Variants in ADAR observed in about 807,000 individuals in gnomAD.
The protein encoded by ADAR is adenosine deaminase RNA specific, also known as double-stranded RNA-specific adenosine deaminase.
ADAR carries 41 observed loss-of-function variants against 113.2 expected under a neutral mutation model. That is an observed-to-expected ratio of 0.36 (90% CI 0.28 to 0.47). ADAR has a LOEUF of 0.47. Ranked by LOEUF, ADAR falls within the 20% of genes least tolerant of loss-of-function variation. The pLI is 1.00. For synonymous variants in ADAR, 605 were observed against 572.6 expected (o/e 1.06, Z -0.81); for missense variants, 1,242 against 1,540.9 (o/e 0.81, Z 3.25).
At chr1:154,604,205 A>G (rs1449091310) in intron 1 of ADAR, among the ~76,000 whole-genome samples, 1 of 152,248 alleles carries the variant, frequency 6.6e-6, no homozygotes, top group East Asian at 1.9e-4. Flanking sequence ...TTATTTATAA[A>G]AACAGGTAGT....
intron 1 of ADAR, among the ~76,000 whole-genome samples, chr1:154,616,167 C>T (rs980433157): frequency 3.3e-5 from 5 of 152,190 alleles, no homozygotes; most frequent in East Asian, 1.9e-4. Flanking sequence ...GTTAGGTTCA[C>T]GTGCATTCGT....
chr1:154,627,913 G>GCCCCCCCCCCCCCCCCCCCCCCCC, exon 1 of ADAR: 2 of 517,176 alleles, frequency 3.9e-6, no homozygotes, highest in South Asian at 1.4e-5. Flanking sequence ...GTGCGGCCGC[G>GCCCCCCCCCCCCCCCCCCCCCCCC]ACCCTCCCCC....
At position 154,602,415 on chromosome 1, in the gene ADAR, G is replaced by A. The variant is rs1181329844; in HGVS notation, c.227C>T (p.Pro76Leu). 2 of 1,607,814 alleles carry A rather than the reference G, an allele frequency of 1.2e-6. No individual in the cohort carries two copies. Among genetic ancestry groups the A allele is most frequent in the Admixed American group, 1.7e-5 (1 of 59,764 alleles). The stretch of plus-strand genomic sequence containing the variant: ...TCTGGTACTGGAGGCAAGTAGTACT[G>A]GAAACCTTGGCCGGAGTCCTGGGAG... Reference protein sequence around the residue: ...PSLPGLRPRFPVLLASSTRGR... With the variant: ...PSLPGLRPRFLVLLASSTRGR... Residue 76 changes from proline to leucine, a missense_variant, in exon 2 of 15, where the codon CCA (proline) becomes CTA (leucine). Pro to Leu is a moderately conservative substitution (Grantham distance 98). Around this residue, in one of 2 missense-constraint regions of ADAR, gnomAD observed 462 missense variants for 483.1 expected, o/e 0.96. Transcript: ENST00000368474.
chr1:154,602,114 T>A lies in ADAR; in HGVS notation c.528A>T (p.Leu176Phe), dbSNP rs756801515. 6.2e-7 allele frequency: 1 copy of A among 1,614,202 alleles called. No individual in the cohort carries two copies. The highest frequency in any genetic ancestry group is 2.2e-5 in the East Asian group (1 of 44,888). Residue 176 changes from leucine (L) to phenylalanine (F), a missense_variant, in exon 2 of 15, where the codon TTA (leucine) becomes TTT (phenylalanine). Leu to Phe is a conservative substitution (Grantham distance 22). Around this residue, in one of 2 missense-constraint regions of ADAR, gnomAD observed 462 missense variants for 483.1 expected, o/e 0.96. Transcript: ENST00000368474. Reference sequence around the variant, plus strand: ...GCTTGCCCTTCTTTGCCAGGGAGTATAAAACTCGATTGATTTCTTTCTTCG... The same window carrying A: ...GCTTGCCCTTCTTTGCCAGGGAGTAAAAAACTCGATTGATTTCTTTCTTCG... ...GTPKKEINRV[L>F]YSLAKKGKLQ...
chr1:154,604,393 C>T (rs192004046), intron 1 of ADAR, among the ~76,000 whole-genome samples: 1 of 152,324 alleles, frequency 6.6e-6, no homozygotes, highest in East Asian at 1.9e-4. Flanking sequence ...CCTCACCCCA[C>T]CTGGATCTCA....
chr1:154,589,234 AAG>A, intron 9 of ADAR, 133 bp downstream of exon 9: 1 of 748,304 alleles, frequency 1.3e-6, no homozygotes, highest in Non-Finnish European at 2.4e-6. Context: ...GACGGGTGAA[AAG>A]CAAAGGCTGC....
chr1:154,597,197 T>C lies in ADAR; in HGVS notation c.2005A>G (p.Lys669Glu). ...ATGGCTTCCTCTGCGGCCATCTGCT[T>C]TGCCACTTTCTTGCTGGGAGCACTC... ...SVSAPSKKVA[K>E]QMAAEEAMKA... is the part of the protein sequence containing the mutation. Residue 669 changes from lysine (K) to glutamate (E), a missense_variant, in exon 5 of 15, where the codon AAG becomes GAG. By Grantham distance (56) the Lys-to-Glu change is moderately conservative. This residue lies in a region of ADAR where 780 missense variants were observed against 1,057.9 expected (regional missense o/e 0.74). Transcript: ENST00000368474. 1 of 1,614,184 alleles carries C rather than the reference T, an allele frequency of 6.2e-7. No individual in the cohort carries two copies. Among genetic ancestry groups the C allele is most frequent in the Non-Finnish European group, 8.5e-7 (1 of 1,180,030 alleles).
At chr1:154,606,446 A>G (rs1247665408) in intron 1 of ADAR, among the ~76,000 whole-genome samples, 1 of 152,244 alleles carries the variant, frequency 6.6e-6, no homozygotes, top group East Asian at 1.9e-4. Flanking sequence ...TATGTACATT[A>G]TAATTTTTTT....
chr1:154,585,950 A>T, intron 12 of ADAR, 85 bp from the exon 13 acceptor site: 1 of 1,326,840 alleles, frequency 7.5e-7, no homozygotes, highest in South Asian at 1.2e-5. Context: ...TTTTGGAGGT[A>T]CAAGATATAG....
intron 1 of ADAR, among the ~76,000 whole-genome samples, chr1:154,613,486 T>C (rs1039237433): frequency 1.3e-5 from 2 of 151,708 alleles, no homozygotes; most frequent in Non-Finnish European, 2.9e-5. Flanking sequence ...GGTCTCACCA[T>C]GTTGGCCAGG....
rs1371830845 is a variant in ADAR at position 154,598,385 on chromosome 1, G to T, written c.1785+17C>A. On this transcript the variant is annotated intron_variant, in intron 3 of 14. Transcript: ENST00000368474. ...TGACAGGGAACTGATCCTCCCAGAT[G>T]GCAGGAGGACACCTACCTTCTCTGA... 6.2e-7 allele frequency: 1 copy of T among 1,612,552 alleles called. No individual in the cohort carries two copies. Among genetic ancestry groups the T allele is most frequent in the Non-Finnish European group, 8.5e-7 (1 of 1,178,606 alleles).
intron 1 of ADAR, among the ~76,000 whole-genome samples, chr1:154,621,510 T>C (rs556142532): frequency 6.6e-5 from 10 of 152,330 alleles, no homozygotes; most frequent in Non-Finnish European, 1.2e-4. Context: ...TTTCAGAATA[T>C]TTGTATATTT....
rs1696461607 is a variant in ADAR at position 154,582,400 on chromosome 1, A to C, written c.*2406T>G. The stretch of plus-strand genomic sequence containing the variant: ...AGTAGGGAGGGTCACTGCTTATTAA[A>C]AACAAAAGACTGGACAAAGAAAGTG... On this transcript the variant is annotated 3_prime_UTR_variant, in exon 15 of 15. Coordinates refer to ENST00000368474, the MANE Select transcript of ADAR (RefSeq NM_001111.5). 1 of 152,176 alleles carries C rather than the reference A, an allele frequency of 6.6e-6. No homozygotes were observed. Among genetic ancestry groups the C allele is most frequent in the South Asian group, 2.1e-4 (1 of 4,828 alleles). 9.4% of individuals were successfully genotyped at this position (152,176 alleles called of 1,614,324 possible). A position where few individuals can be genotyped will look rare whatever the true frequency, so the allele number is the denominator to read the frequency against.
Position 154,626,713 on chromosome 1 carries a change from T to A in ADAR, c.-871+1142A>T, listed in dbSNP as rs138906089. Among the ~76,000 whole-genome samples, 37 of 152,314 alleles carry A rather than the reference T, an allele frequency of 2.4e-4. No homozygotes were observed. In the East Asian group the frequency reaches 6.0e-3, roughly 25 times the overall value. ...GGTAGATATAATTATCTTCATTTTGTAGATAAGCCCAAGTAGGAGTGGAGA... is the reference window on the plus strand; with the variant it reads ...GGTAGATATAATTATCTTCATTTTGAAGATAAGCCCAAGTAGGAGTGGAGA... On this transcript the variant is annotated intron_variant, in intron 1 of 14. Coordinates refer to the ADAR transcript ENST00000368471.
At chr1:154,605,774 G>A (rs903707874) in intron 1 of ADAR, among the ~76,000 whole-genome samples, 9 of 152,134 alleles carry the variant, frequency 5.9e-5, no homozygotes, top group East Asian at 3.9e-4. Context: ...GCAAATGTGT[G>A]TACAGAGTGA....
chr1:154,622,340 G>C (rs1401859244), intron 1 of ADAR, among the ~76,000 whole-genome samples: 1 of 152,184 alleles, frequency 6.6e-6, no homozygotes, highest in African/African-American at 2.4e-5. Context: ...GGGCAAGATG[G>C]ACTAGATGCA....
At position 154,590,070 on chromosome 1, in the gene ADAR, C is replaced by G. The variant is rs1320026641; in HGVS notation, c.2496+114G>C. 3.3e-5 allele frequency: 50 copies of G among 1,492,684 alleles called. No homozygotes were observed. Among genetic ancestry groups the G allele is most frequent in the Middle Eastern group, 2.1e-4 (1 of 4,732 alleles). 92.5% of individuals were successfully genotyped at this position (1,492,684 alleles called of 1,614,324 possible). ...TCTAGTGTCCCAGTTACTGCTCTCT[C>G]GAGGCTAAGAGTAAAGCCTAGGAAT... On this transcript the variant is annotated intron_variant, in intron 7 of 14. Coordinates refer to ENST00000368474, the MANE Select transcript of ADAR (RefSeq NM_001111.5).
chr1:154,613,281 CTTTTTTTTTT>C (rs56126079), intron 1 of ADAR, among the ~76,000 whole-genome samples: 4 of 84,662 alleles, frequency 4.7e-5, no homozygotes, highest in Non-Finnish European at 8.7e-5. Flanking sequence ...TCACAAATGG[CTTTTTTTTTT>C]TTTTTTTTTT....
In ADAR at chr1:154,588,311, G is replaced by A. The variant is rs1295228549; in HGVS notation, c.2886-53C>T. The A allele has an allele frequency of 3.7e-6, 6 of 1,613,196 alleles. No individual in the cohort carries two copies. The Admixed American group carries it at 5.0e-5, about 13-fold the overall frequency. On this transcript the variant is annotated intron_variant, in intron 10 of 14. Transcript: ENST00000368474. ...TCACCTGTGGGAAATCTGCAATTTC[G>A]TGGGGCTCCAAAACAGTCAGATGTG...
Sources: gnomAD v4.1 joint callset for allele counts (sites outside exome capture counted in the v4.1 genomes callset) on GRCh38, gnomAD v4.1.1 for gene constraint, gnomAD v4.1.1 regional missense constraint, MANE v1.5 for transcripts, NCBI Gene and HGNC (gene_info 2026-07-23, HGNC 2026-07-21) for gene names.